The following PLCL2 variants were observed in gnomAD, a reference collection of about 807,000 sequenced individuals.
PLCL2 encodes the protein inactive phospholipase C-like protein 2.
In PLCL2, 4 loss-of-function variants were observed where a neutral mutation model predicts 79.6. The observed-to-expected ratio is 0.05, with a 90% CI of 0.02 to 0.11. The LOEUF (loss-of-function observed/expected upper bound fraction) is 0.11, where lower values mean the gene tolerates loss of function less well. PLCL2 is among the 10% of genes least tolerant of loss of function. The pLI, the probability that PLCL2 is intolerant of heterozygous loss-of-function variation, is 1.00. For synonymous variants in PLCL2, 484 were observed against 457.7 expected, an observed-to-expected ratio of 1.06 and a Z score of -0.73; for missense variants, 895 against 1,291.0, an observed-to-expected ratio of 0.69 and a Z score of 4.70.
intron 1 of PLCL2, among the ~76,000 whole-genome samples, chr3:16,990,149 A>G (rs746050587): frequency 5.3e-5 from 8 of 152,164 alleles, no homozygotes; most frequent in Non-Finnish European, 8.8e-5. Flanking sequence ...AGCAGTAGTA[A>G]TGTCAACCAC....
At chr3:16,961,160 C>T (rs771949566) in intron 1 of PLCL2, among the ~76,000 whole-genome samples, 1 of 152,204 alleles carries the variant, frequency 6.6e-6, no homozygotes, top group African/African-American at 2.4e-5. Flanking sequence ...ACATTTAAAA[C>T]ATAAAACGAT....
At chr3:16,966,009 T>G (rs996207179) in intron 1 of PLCL2, among the ~76,000 whole-genome samples, 5 of 152,132 alleles carry the variant, frequency 3.3e-5, no homozygotes, top group African/African-American at 1.2e-4. Flanking sequence ...TACCCTTTAT[T>G]TCTTTCTCCT....
In PLCL2 at chr3:17,090,248, T is replaced by C. The variant is rs190554050; in HGVS notation, c.*336T>C. 3.2e-4 allele frequency: 322 copies of C among 995,534 alleles called. 1 individual carries two copies. The Admixed American group carries it at 4.0e-3, about 12-fold the overall frequency. The allele number at this position is 995,534 out of a possible 1,614,324, so 61.7% of individuals were successfully genotyped here. A position where few individuals can be genotyped will look rare whatever the true frequency, so the allele number is the denominator to read the frequency against. On this transcript the variant is annotated 3_prime_UTR_variant, in exon 6 of 6. Coordinates refer to ENST00000615277, the MANE Select transcript of PLCL2 (RefSeq NM_001144382.2). ...TGAAAACAATTTCTTAAGATGGAAA[T>C]GGATTGGATTGTCAAATTATTATTT... is the stretch of plus-strand genomic sequence containing the variant.
chr3:16,947,978 A>T (rs977974408), intron 1 of PLCL2, among the ~76,000 whole-genome samples: 1 of 152,208 alleles, frequency 6.6e-6, no homozygotes, highest in Non-Finnish European at 1.5e-5. Context: ...ATAAAGAAAA[A>T]CATGTTTTAA....
chr3:16,906,572 TAC>T (rs1447540852), intron 1 of PLCL2, among the ~76,000 whole-genome samples: 1 of 152,200 alleles, frequency 6.6e-6, no homozygotes, highest in Non-Finnish European at 1.5e-5. Context: ...ATGAATATTC[TAC>T]AGAGTTTGAA....
At chr3:16,969,984 G>T (rs915900714) in intron 1 of PLCL2, among the ~76,000 whole-genome samples, 1 of 150,510 alleles carries the variant, frequency 6.6e-6, no homozygotes, top group South Asian at 2.1e-4. Context: ...TTCAGGAACA[G>T]TTGTTTAATT....
intron 5 of PLCL2, 43 bp downstream of exon 5, chr3:17,068,108 C>T (rs1322549543): frequency 1.9e-6 from 2 of 1,036,102 alleles, no homozygotes; most frequent in East Asian, 2.4e-5. Context: ...TTTGCAGCCT[C>T]TTTCAGCATG....
At chr3:16,945,341 C>T (rs115731454) in intron 1 of PLCL2, among the ~76,000 whole-genome samples, 3,173 of 152,108 alleles carry the variant, frequency 0.021, 54 homozygotes, top group South Asian at 0.043. Flanking sequence ...ATCTTACATG[C>T]CATGTATTTT....
intron 1 of PLCL2, among the ~76,000 whole-genome samples, chr3:16,913,869 A>G (rs1696935972): frequency 6.6e-6 from 1 of 152,216 alleles, no homozygotes; most frequent in Non-Finnish European, 1.5e-5. Flanking sequence ...CCTATTATGA[A>G]TAAAAGGGAG....
intron 5 of PLCL2, among the ~76,000 whole-genome samples, chr3:17,071,113 T>A (rs2124945536): frequency 6.6e-6 from 1 of 152,270 alleles, no homozygotes; most frequent in East Asian, 1.9e-4. Context: ...TCAAAAGCTT[T>A]CCTGATGCAT....
At chr3:16,953,696 C>A (rs1205352415) in intron 1 of PLCL2, among the ~76,000 whole-genome samples, 2 of 151,984 alleles carry the variant, frequency 1.3e-5, no homozygotes, top group African/African-American at 4.8e-5. Context: ...GTGGGCGTTA[C>A]CTGTCTGAGA....
rs371615049 is a variant in PLCL2 at position 16,975,021 on chromosome 3, G to A, written c.328-34653G>A. Among the ~76,000 whole-genome samples, 12 of 152,240 alleles carry A rather than the reference G, an allele frequency of 7.9e-5. No homozygotes were observed. The South Asian group carries it at 2.5e-3, about 32-fold the overall frequency. The stretch of plus-strand genomic sequence containing the variant: ...CAGTTACAGGCTTCTAAGGTGAGCT[G>A]GTCTGCTCAAGTAGAGGAAAGGGTG... On this transcript the variant is annotated intron_variant, in intron 1 of 5. Transcript: ENST00000615277.
intron 4 of PLCL2, among the ~76,000 whole-genome samples, chr3:17,052,608 G>C (rs1033130596): frequency 6.6e-6 from 1 of 152,122 alleles, no homozygotes; most frequent in Non-Finnish European, 1.5e-5. Flanking sequence ...ATGCATTGCT[G>C]TAAAGTTACA....
chr3:16,889,401 G>A (rs1696296682), intron 1 of PLCL2, among the ~76,000 whole-genome samples: 2 of 152,194 alleles, frequency 1.3e-5, no homozygotes, highest in Admixed American at 6.5e-5. Flanking sequence ...GGAGATATTG[G>A]AAGAAGGAAA....
chr3:17,063,421 C>G (rs2064976133), intron 4 of PLCL2, among the ~76,000 whole-genome samples: 1 of 149,016 alleles, frequency 6.7e-6, no homozygotes, highest in African/African-American at 2.5e-5. Flanking sequence ...TCTCTCAGTC[C>G]CATCTCCCCA....
chr3:16,980,385 G>A (rs562638074), intron 1 of PLCL2, among the ~76,000 whole-genome samples: 113 of 148,346 alleles, frequency 7.6e-4, no homozygotes, highest in African/African-American at 2.6e-3. Context: ...CAGACAGGGC[G>A]GCTGCCGGCC....
At chr3:16,957,122 G>C (rs2063713201) in intron 1 of PLCL2, among the ~76,000 whole-genome samples, 1 of 152,026 alleles carries the variant, frequency 6.6e-6, no homozygotes, top group African/African-American at 2.4e-5. Flanking sequence ...TGTGATGTTA[G>C]GGTGTCAATT....
chr3:17,064,227 A>T (rs1417784734), intron 4 of PLCL2, among the ~76,000 whole-genome samples: 3 of 152,202 alleles, frequency 2.0e-5, no homozygotes, highest in African/African-American at 4.8e-5. Context: ...TTCCAAGAGA[A>T]CAATGCAATT....
chr3:16,906,365 T>C (rs1341323293), intron 1 of PLCL2, among the ~76,000 whole-genome samples: 3 of 152,170 alleles, frequency 2.0e-5, no homozygotes, highest in East Asian at 1.9e-4. Context: ...TCTATTATTT[T>C]TGAATAAAGT....
Sources: allele counts gnomAD v4.1 joint callset (sites outside exome capture counted in the v4.1 genomes callset), GRCh38; gene constraint gnomAD v4.1.1; transcripts MANE v1.5; gene names NCBI Gene and HGNC (gene_info 2026-07-23, HGNC 2026-07-21).